AGPAT3: variants seen among roughly 807,000 people sequenced by gnomAD.
AGPAT3 encodes the protein 1-acylglycerol-3-phosphate O-acyltransferase 3.
Under a neutral mutation model 47.3 loss-of-function variants are expected in AGPAT3, and 5 were observed. That is an observed-to-expected ratio of 0.11 (90% CI 0.06 to 0.22). AGPAT3 has a LOEUF of 0.22. AGPAT3 is among the 10% of genes least tolerant of loss of function. The probability of loss-of-function intolerance (pLI) is 1.00; values close to 1 mark genes in which losing one functional copy is unlikely to be tolerated. For missense variants in AGPAT3, 315 were observed against 493.0 expected (o/e 0.64, Z 3.42); for synonymous variants, 212 against 208.3 (o/e 1.02, Z -0.15).
chr21:43,865,573 C>G (rs2085485997), intron 1 of AGPAT3, among the ~76,000 whole-genome samples: 1 of 149,692 alleles, frequency 6.7e-6, no homozygotes, highest in Non-Finnish European at 1.5e-5. Context: ...TGTGCGCCCC[C>G]CGCAACCCCG....
chr21:43,975,253 GTGGTGTGTTC>G (rs1214229704), intron 7 of AGPAT3, among the ~76,000 whole-genome samples: 3 of 151,068 alleles, frequency 2.0e-5, no homozygotes, highest in African/African-American at 7.3e-5. Flanking sequence ...GTGCTGGTGT[GTGGTGTGTTC>G]TGGTGTGTGC....
At chr21:43,866,137 T>TTA (rs2085500677) in intron 1 of AGPAT3, among the ~76,000 whole-genome samples, 1 of 150,036 alleles carries the variant, frequency 6.7e-6, no homozygotes, top group Non-Finnish European at 1.5e-5. Context: ...TTTTTTTTTT[T>TTA]AACTTTGAGA....
intron 4 of AGPAT3, 70 bp downstream of exon 4, chr21:43,968,185 A>C (rs1206015595): frequency 3.6e-6 from 4 of 1,098,232 alleles, no homozygotes; most frequent in South Asian, 1.8e-5. Context: ...GTGAGCGGGG[A>C]CCCAGGGAGG....
intron 2 of AGPAT3, among the ~76,000 whole-genome samples, chr21:43,929,664 G>C (rs1039474574): frequency 6.6e-6 from 1 of 152,210 alleles, no homozygotes; most frequent in Non-Finnish European, 1.5e-5. Context: ...CAGGACAGGG[G>C]ACACCTGCAG....
chr21:43,977,967 G>T, intron 7 of AGPAT3, 79 bp from the exon 8 acceptor site: 1 of 1,198,162 alleles, frequency 8.3e-7, no homozygotes, highest in South Asian at 1.3e-5. Context: ...CCTGGCACAC[G>T]ACATGTTCCC....
At chr21:43,976,887 A>G (rs892015614) in intron 7 of AGPAT3, among the ~76,000 whole-genome samples, 1 of 152,244 alleles carries the variant, frequency 6.6e-6, no homozygotes, top group Non-Finnish European at 1.5e-5. Context: ...CCGTACACAC[A>G]GTATCACTGC....
At chr21:43,929,053 C>T (rs1601332255) in intron 2 of AGPAT3, among the ~76,000 whole-genome samples, 2 of 152,204 alleles carry the variant, frequency 1.3e-5, no homozygotes, top group South Asian at 4.1e-4. Context: ...TTGAAAACTC[C>T]GTGCGTTCTC....
Position 43,897,599 on chromosome 21 carries a change from A to C in AGPAT3, c.-111-6358A>C, listed in dbSNP as rs1469230821. On this transcript the variant is annotated intron_variant, in intron 1 of 9. Coordinates refer to ENST00000291572, the MANE Select transcript of AGPAT3 (RefSeq NM_020132.5). ...CACATCCCAGACGGGGCGGCCGGGC[A>C]GAGGGGCTCCTCACCTCCCAGAGGG... is the stretch of plus-strand genomic sequence containing the variant. Among the ~76,000 whole-genome samples, 49 of 146,326 alleles carry C rather than the reference A, an allele frequency of 3.3e-4. 3 individuals are homozygous for C. Among genetic ancestry groups the C allele is most frequent in the African/African-American group, 9.0e-4 (34 of 37,858 alleles).
At chr21:43,975,294 TGTGTGCTGGCATGTAGTGTGCTGGC>T (rs2089568615) in intron 7 of AGPAT3, among the ~76,000 whole-genome samples, 1 of 149,238 alleles carries the variant, frequency 6.7e-6, no homozygotes, top group Non-Finnish European at 1.5e-5. Context: ...TATGTTTTGG[TGTGTGCTGGCATGTAGTGTGCTGGC>T]GTGTGCTGGC....
intron 7 of AGPAT3, among the ~76,000 whole-genome samples, chr21:43,974,145 G>A (rs975774806): frequency 2.0e-5 from 3 of 151,738 alleles, no homozygotes; most frequent in Admixed American, 6.6e-5. Context: ...TGTGGTGTAC[G>A]TATGTGCATT....
In AGPAT3 at chr21:43,922,370, G is replaced by T. The variant is rs1359159327; in HGVS notation, c.-49+18351G>T. 6.6e-6 allele frequency among the ~76,000 whole-genome samples: 1 copy of T among 152,212 alleles called. No homozygotes were observed. Among genetic ancestry groups the T allele is most frequent in the African/African-American group, 2.4e-5 (1 of 41,452 alleles). On this transcript the variant is annotated intron_variant, in intron 2 of 9. Coordinates refer to ENST00000291572, the MANE Select transcript of AGPAT3 (RefSeq NM_020132.5). The surrounding 1 kb of genome is among the most constrained non-coding windows in gnomAD (Gnocchi z 4.9). ...AAGGAGTGCAGCCCCCAGGACGCTG[G>T]GCCGAGCCAGGCAGGGACCTGCTTC...
At position 43,955,899 on chromosome 21, in the gene AGPAT3, CAA is replaced by C. The variant is rs58314121; in HGVS notation, c.-48-3719_-48-3718del. On this transcript the variant is annotated intron_variant, in intron 2 of 9. Coordinates refer to ENST00000291572, the MANE Select transcript of AGPAT3 (RefSeq NM_020132.5). This position sits in a 1 kb window ranked among gnomAD's most constrained non-coding sequence, Gnocchi z 4.1. ...TGGGCAACAGTGAGATAATCTGTCT[CAA>C]AAAAAAAAAAAAAAATCAGATTCCT... Among the ~76,000 whole-genome samples, 115 of 124,858 alleles carry C rather than the reference CAA, an allele frequency of 9.2e-4. 1 individual carries two copies. The highest frequency in any genetic ancestry group is 2.9e-3 in the African/African-American group (100 of 34,544). 81.9% of individuals were successfully genotyped at this position (124,858 alleles called of 152,430 possible). A position where few individuals can be genotyped will look rare whatever the true frequency, so the allele number is the denominator to read the frequency against.
chr21:43,926,140 C>T (rs968298712), intron 2 of AGPAT3, among the ~76,000 whole-genome samples: 6 of 152,212 alleles, frequency 3.9e-5, no homozygotes, highest in African/African-American at 9.7e-5. Flanking sequence ...ACGGTGGCTG[C>T]GGCTTGCCTT....
chr21:43,884,935 A>G (rs1477766899), intron 1 of AGPAT3, among the ~76,000 whole-genome samples: 2 of 152,338 alleles, frequency 1.3e-5, no homozygotes, highest in South Asian at 4.1e-4. Context: ...CCCACCTCAC[A>G]TGGGATAGAT....
At chr21:43,890,093 A>T (rs1272153779) in intron 1 of AGPAT3, among the ~76,000 whole-genome samples, 1 of 152,110 alleles carries the variant, frequency 6.6e-6, no homozygotes, top group African/African-American at 2.4e-5. Flanking sequence ...TTGAATTGTA[A>T]TCCCCAGTGT....
chr21:43,915,483 G>C (rs1223854505), intron 2 of AGPAT3, among the ~76,000 whole-genome samples: 7 of 141,172 alleles, frequency 5.0e-5, no homozygotes, highest in Non-Finnish European at 7.6e-5. Flanking sequence ...GCGATCTCGG[G>C]TCACTGTAAC....
rs1203118390 is a variant in AGPAT3, at chr21:43,920,211, G to T, written c.-49+16192G>T. Among the ~76,000 whole-genome samples the T allele has an allele frequency of 1.5e-5, 1 of 65,208 alleles. No homozygotes were observed. Among genetic ancestry groups the T allele is most frequent in the East Asian group, 3.9e-4 (1 of 2,588 alleles). 42.8% of individuals were successfully genotyped at this position (65,208 alleles called of 152,430 possible). Reference sequence around the variant, plus strand: ...ACACTCATCATGTCTTCAGCCCTGTGTGTGTGTGTGTGAGAGATTGTGAGT... The same window carrying T: ...ACACTCATCATGTCTTCAGCCCTGTTTGTGTGTGTGTGAGAGATTGTGAGT... On this transcript the variant is annotated intron_variant, in intron 2 of 9. Coordinates refer to ENST00000291572, the MANE Select transcript of AGPAT3 (RefSeq NM_020132.5). This position sits in a 1 kb window ranked among gnomAD's most constrained non-coding sequence, Gnocchi z 6.1.
At chr21:43,901,416 A>G (rs1304248507) in intron 1 of AGPAT3, among the ~76,000 whole-genome samples, 1 of 141,194 alleles carries the variant, frequency 7.1e-6, no homozygotes, top group African/African-American at 2.7e-5. Flanking sequence ...TTAAGATGGC[A>G]TTGATAAATA....
intron 2 of AGPAT3, among the ~76,000 whole-genome samples, chr21:43,944,149 C>T (rs2146401772): frequency 6.6e-6 from 1 of 152,386 alleles, no homozygotes; most frequent in African/African-American, 2.4e-5. Context: ...AGGGCCCCAG[C>T]ATTTCACCCA....
Sources: allele counts gnomAD v4.1 joint callset (sites outside exome capture counted in the v4.1 genomes callset), GRCh38; gene constraint gnomAD v4.1.1; non-coding constraint Gnocchi (gnomAD v3.1); transcripts MANE v1.5; gene names NCBI Gene and HGNC (gene_info 2026-07-23, HGNC 2026-07-21).